Variants in PGLYRP3 observed in about 807,000 individuals in gnomAD.
The protein encoded by PGLYRP3 is peptidoglycan recognition protein 3.
A neutral mutation model predicts 36.0 loss-of-function variants in PGLYRP3; 39 were observed. The observed-to-expected ratio is 1.08, with a 90% CI of 0.84 to 1.41. The LOEUF (loss-of-function observed/expected upper bound fraction) is 1.41, where lower values mean the gene tolerates loss of function less well. Ranked by LOEUF, PGLYRP3 falls within the 40% of genes most tolerant of loss-of-function variation. The pLI is 0.00. For missense variants in PGLYRP3, 407 were observed against 427.9 expected, an observed-to-expected ratio of 0.95 and a Z score of 0.43; for synonymous variants, 204 against 172.8, an observed-to-expected ratio of 1.18 and a Z score of -1.42.
intron 3 of PGLYRP3, 145 bp downstream of exon 3, chr1:153,306,921 T>G: frequency 2.5e-6 from 2 of 789,824 alleles, no homozygotes; most frequent in Non-Finnish European, 4.1e-6. Flanking sequence ...GGATTCGGAT[T>G]TTGTTTGATT....
intron 2 of PGLYRP3, among the ~76,000 whole-genome samples, chr1:153,308,637 G>A (rs1659817190): frequency 6.6e-6 from 1 of 152,186 alleles, no homozygotes; most frequent in South Asian, 2.1e-4. Flanking sequence ...GAGCACTGGT[G>A]CATTGGTGCA....
At position 153,310,654 on chromosome 1, in the gene PGLYRP3, C is replaced by G. The variant is rs146790202; in HGVS notation, c.12G>C (p.Leu4=). The G allele has an allele frequency of 9.7e-4, 1,563 of 1,614,096 alleles. 19 individuals carry two copies. In the African/African-American group the frequency reaches 0.019, roughly 19 times the overall value. ...GAATGAAGAAGGCAAGAAGCCATGG[C>G]AGCGTCCCCATGTGGTCCCAGGACT... MGT[L]PWLLAFFILG... Residue 4 remains leucine, a synonymous_variant, in exon 2 of 8, where the codon CTG becomes CTC. Transcript: ENST00000683862.
chr1:153,299,491 T>C (rs1004269604), intron 6 of PGLYRP3, among the ~76,000 whole-genome samples: 1 of 152,178 alleles, frequency 6.6e-6, no homozygotes, highest in African/African-American at 2.4e-5. Flanking sequence ...TGGCACTAAG[T>C]ACAATGGACA....
At chr1:153,306,431 C>T (rs1659739825) in intron 3 of PGLYRP3, among the ~76,000 whole-genome samples, 1 of 152,194 alleles carries the variant, frequency 6.6e-6, no homozygotes, top group Admixed American at 6.5e-5. Flanking sequence ...CTCCTTCATG[C>T]CCTCCCTTGT....
rs141004581 is a variant in PGLYRP3 at position 153,299,126 on chromosome 1, G to T, written c.834C>A (p.Ile278=). ...FNDIALGIAF[I]GYFVEKPPNA... Reference sequence around the variant, plus strand: ...CTCACCCCTTACCTACAAAGTAGCCGATGAAGGCAATTCCTAGGGCAATAT... The same window carrying T: ...CTCACCCCTTACCTACAAAGTAGCCTATGAAGGCAATTCCTAGGGCAATAT... Residue 278 remains isoleucine (I), a synonymous_variant, in exon 7 of 8, where the codon ATC becomes ATA. Transcript: ENST00000683862. 3 of 1,613,898 alleles carry T rather than the reference G, an allele frequency of 1.9e-6. No homozygotes were observed. The highest frequency in any genetic ancestry group is 2.5e-6 in the Non-Finnish European group (3 of 1,179,870).
chr1:153,307,775 G>A (rs533489373), intron 2 of PGLYRP3, among the ~76,000 whole-genome samples: 1 of 152,114 alleles, frequency 6.6e-6, no homozygotes, highest in Non-Finnish European at 1.5e-5. Flanking sequence ...CCCACAGGAG[G>A]CTCCATAAAC....
At chr1:153,303,753 C>T in intron 5 of PGLYRP3, 104 bp downstream of exon 5, 2 of 1,347,662 alleles carry the variant, frequency 1.5e-6, no homozygotes, top group Admixed American at 2.2e-5. Flanking sequence ...GTTCTTAGTC[C>T]CAGAATCCCA....
chr1:153,300,394 G>A (rs1252384787), intron 6 of PGLYRP3, among the ~76,000 whole-genome samples: 1 of 152,166 alleles, frequency 6.6e-6, no homozygotes, highest in Non-Finnish European at 1.5e-5. Context: ...ATCCATCACA[G>A]TGCTCAAACA....
chr1:153,301,479 G>A (rs1359915062), intron 6 of PGLYRP3, among the ~76,000 whole-genome samples: 1 of 152,284 alleles, frequency 6.6e-6, no homozygotes, highest in East Asian at 1.9e-4. Context: ...AGTGAAAGAG[G>A]AAAACAAACA....
intron 1 of PGLYRP3, among the ~76,000 whole-genome samples, chr1:153,312,315 T>C (rs1489057199): frequency 3.3e-5 from 5 of 152,128 alleles, no homozygotes; most frequent in African/African-American, 1.2e-4. Context: ...TCCTGTATAC[T>C]GAAAGAAACA....
rs756689759 is a variant in PGLYRP3 at position 153,312,914 on chromosome 1, C to T, written c.-313G>A. On this transcript the variant is annotated 5_prime_UTR_variant, in exon 1 of 8. Transcript: ENST00000683862. ...AAGAGAAAGGCAGAGGGCTGAGGCT[C>T]CAAGCCAGCTCTGTTTACAGCACCC... Among the ~76,000 whole-genome samples the T allele has an allele frequency of 4.5e-4, 69 of 152,286 alleles. No homozygotes were observed. Among genetic ancestry groups the T allele is most frequent in the Admixed American group, 1.0e-3 (16 of 15,306 alleles).
chr1:153,305,776 C>CA (rs1340038106), intron 3 of PGLYRP3, among the ~76,000 whole-genome samples: 1 of 152,246 alleles, frequency 6.6e-6, no homozygotes, highest in Non-Finnish European at 1.5e-5. Context: ...ACTTTCCACC[C>CA]TACACCGATG....
At chr1:153,308,929 C>T (rs1659824989) in intron 2 of PGLYRP3, among the ~76,000 whole-genome samples, 1 of 152,160 alleles carries the variant, frequency 6.6e-6, no homozygotes, top group Admixed American at 6.6e-5. Context: ...ACCGGCAGAC[C>T]TACTAATCAA....
Position 153,297,499 on chromosome 1 carries a change from A to AAAGG in PGLYRP3, c.*453_*456dup, listed in dbSNP as rs535766745. Among the ~76,000 whole-genome samples, 2,597 of 52,630 alleles carry AAAGG rather than the reference A, an allele frequency of 0.049. 144 individuals carry two copies. The highest frequency in any genetic ancestry group is 0.13 in the East Asian group (169 of 1,314). 34.5% of individuals were successfully genotyped at this position (52,630 alleles called of 152,430 possible). Reference sequence around the variant, plus strand: ...GAGTGAGAAAGCAAGAAAGAAGGTGAAAGGAAGGAAGGAAGGAAGGAAGGA... The same window carrying AAAGG: ...GAGTGAGAAAGCAAGAAAGAAGGTGAAAGGAAGGAAGGAAGGAAGGAAGGAAGGA... On this transcript the variant is annotated 3_prime_UTR_variant, in exon 8 of 8. Transcript: ENST00000683862.
In PGLYRP3 at chr1:153,302,726, C is replaced by T. The variant is rs886734035; in HGVS notation, c.530-119G>A. The stretch of plus-strand genomic sequence containing the variant: ...CCCAGGCCTCCAGCACCCACGGGCA[C>T]ATCCTAATGTAATATCAGCTTTGGG... On this transcript the variant is annotated intron_variant, in intron 5 of 7. Coordinates refer to ENST00000683862, the MANE Select transcript of PGLYRP3 (RefSeq NM_052891.3). 23 of 894,070 alleles carry T rather than the reference C, an allele frequency of 2.6e-5. 1 individual carries two copies. The highest frequency in any genetic ancestry group is 5.0e-5 in the East Asian group (2 of 39,702). 55.4% of individuals were successfully genotyped at this position (894,070 alleles called of 1,614,324 possible).
At chr1:153,310,440 C>T (rs1659866494) in intron 2 of PGLYRP3, among the ~76,000 whole-genome samples, 171 bp downstream of exon 2, 1 of 152,206 alleles carries the variant, frequency 6.6e-6, no homozygotes, top group Non-Finnish European at 1.5e-5. Context: ...TAACAAAGGA[C>T]AGGCAAGGAT....
rs777611889 is a variant in PGLYRP3 at position 153,304,934 on chromosome 1, G to A, written c.376+13C>T. On this transcript the variant is annotated intron_variant, in intron 4 of 7. Coordinates refer to ENST00000683862, the MANE Select transcript of PGLYRP3 (RefSeq NM_052891.3). The stretch of plus-strand genomic sequence containing the variant: ...AACTCTCCAGCACAGGGTCCGCAGG[G>A]AGTGACCCTTACCTATCTTATTGCC... 10 of 1,597,994 alleles carry A rather than the reference G, an allele frequency of 6.3e-6. No individual in the cohort carries two copies. The South Asian group carries it at 1.1e-4, about 18-fold the overall frequency.
At chr1:153,304,716 C>T (rs903558849) in intron 4 of PGLYRP3, among the ~76,000 whole-genome samples, 9 of 152,182 alleles carry the variant, frequency 5.9e-5, no homozygotes, top group South Asian at 4.1e-4. Flanking sequence ...GCTCAAGCAA[C>T]GCCCATGCAA....
intron 1 of PGLYRP3, 144 bp from the exon 2 acceptor site, chr1:153,310,850 T>C (rs1016689780): frequency 1.8e-6 from 1 of 566,724 alleles, no homozygotes; most frequent in Middle Eastern, 4.7e-4. Context: ...TCGGGGCCCC[T>C]TAAACACATC....
Sources: allele counts gnomAD v4.1 joint callset (sites outside exome capture counted in the v4.1 genomes callset), GRCh38; gene constraint gnomAD v4.1.1; transcripts MANE v1.5; gene names NCBI Gene and HGNC (gene_info 2026-07-23, HGNC 2026-07-21).